Variants in INTS10 observed in about 807,000 individuals in gnomAD.
INTS10 encodes integrator complex subunit 10.
In INTS10, 44 loss-of-function variants were observed where a neutral mutation model predicts 94.4. The observed-to-expected ratio is 0.47, with a 90% CI of 0.37 to 0.60. INTS10 has a LOEUF of 0.60. INTS10 is among the 20% of genes least tolerant of loss of function. INTS10 has a pLI of 0.00. For synonymous variants in INTS10, 341 were observed against 320.7 expected, an observed-to-expected ratio of 1.06 and a Z score of -0.68; for missense variants, 797 against 868.7, an observed-to-expected ratio of 0.92 and a Z score of 1.04.
intron 2 of INTS10, 127 bp downstream of exon 2, chr8:19,818,469 A>C (rs1589898713): frequency 2.2e-6 from 2 of 894,288 alleles, no homozygotes; most frequent in Non-Finnish European, 3.6e-6. Context: ...CCTAAAGCAA[A>C]CCTAGTAAGG....
At chr8:19,823,154 C>T (rs1281280587) in intron 5 of INTS10, 147 bp from the exon 6 acceptor site, 1 of 615,470 alleles carries the variant, frequency 1.6e-6, no homozygotes, top group East Asian at 2.8e-5. Context: ...CTCTGCACAG[C>T]ACATTTTGAA....
At chr8:19,818,368 T>C (rs747591590) in intron 2 of INTS10, 26 bp downstream of exon 2, 2 of 1,608,040 alleles carry the variant, frequency 1.2e-6, no homozygotes, top group Non-Finnish European at 1.7e-6. Context: ...GACATCACTT[T>C]TACTGCACTG....
At chr8:19,836,950 T>A in intron 12 of INTS10, 102 bp from the exon 13 acceptor site, 1 of 744,810 alleles carries the variant, frequency 1.3e-6, no homozygotes. Flanking sequence ...CAGACTTCCA[T>A]GTACACATTG....
chr8:19,836,811 G>C (rs901093124), intron 12 of INTS10, among the ~76,000 whole-genome samples: 3 of 151,966 alleles, frequency 2.0e-5, no homozygotes, highest in Non-Finnish European at 4.4e-5. Context: ...TTTAAGTTTT[G>C]TTTTTTTAAT....
At chr8:19,837,224 C>T in intron 13 of INTS10, 64 bp downstream of exon 13, 1 of 1,029,692 alleles carries the variant, frequency 9.7e-7, no homozygotes, top group Non-Finnish European at 1.5e-6. Context: ...CACGGTGGCT[C>T]ACACTTGTAA....
intron 1 of INTS10, 31 bp downstream of exon 1, chr8:19,817,697 T>G: frequency 6.3e-7 from 1 of 1,583,740 alleles, no homozygotes. Context: ...GCGGCCGCTC[T>G]GCGTGGAGGT....
intron 13 of INTS10, 55 bp from the exon 14 acceptor site, chr8:19,842,793 A>G: frequency 8.4e-7 from 1 of 1,194,162 alleles, no homozygotes; most frequent in Non-Finnish European, 1.2e-6. Flanking sequence ...TGCCTTTCAA[A>G]GCTGTTATCT....
At chr8:19,832,300 C>T (rs1009759445) in intron 11 of INTS10, among the ~76,000 whole-genome samples, 190 bp downstream of exon 11, 1 of 152,048 alleles carries the variant, frequency 6.6e-6, no homozygotes, top group Non-Finnish European at 1.5e-5. Flanking sequence ...GGCCGGGTGT[C>T]GTGGCTTACG....
Position 19,849,639 on chromosome 8 carries a change from C to A in INTS10, c.1977-2010C>A, listed in dbSNP as rs1307554155. Among the ~76,000 whole-genome samples, 1 of 152,114 alleles carries A rather than the reference C, an allele frequency of 6.6e-6. No individual in the cohort carries two copies. Among genetic ancestry groups the A allele is most frequent in the Non-Finnish European group, 1.5e-5 (1 of 68,014 alleles). On this transcript the variant is annotated intron_variant, in intron 16 of 16. Coordinates refer to ENST00000397977, the MANE Select transcript of INTS10 (RefSeq NM_018142.4). The surrounding 1 kb of genome is among the most constrained non-coding windows in gnomAD (Gnocchi z 4.6). ...GTGGATACTCATATGAGTGACCAGT[C>A]ATTATGGTCATATTAGCAATTAGTT...
intron 13 of INTS10, chr8:19,841,880 T>C (rs1209221128): frequency 8.8e-6 from 4 of 454,632 alleles, no homozygotes; most frequent in Middle Eastern, 3.3e-4. Flanking sequence ...AATTCAATAA[T>C]ATTTTAAGAC....
intron 5 of INTS10, among the ~76,000 whole-genome samples, chr8:19,822,984 T>C (rs2066504613): frequency 6.6e-6 from 1 of 151,936 alleles, no homozygotes; most frequent in Non-Finnish European, 1.5e-5. Flanking sequence ...ACTTCTAAAC[T>C]TTTGTTATGT....
chr8:19,846,374 A>G lies in INTS10; in HGVS notation c.1976+577A>G, dbSNP rs1011650033. Among the ~76,000 whole-genome samples the G allele has an allele frequency of 2.0e-5, 3 of 152,010 alleles. No individual in the cohort carries two copies. Among genetic ancestry groups the G allele is most frequent in the Non-Finnish European group, 4.4e-5 (3 of 68,000 alleles). ...CTTGAACCCAGGAGGTGGAGGTTGC[A>G]GTGAGCCGAGGTCGCGCCATTACAC... On this transcript the variant is annotated intron_variant, in intron 16 of 16. Transcript: ENST00000397977. This position sits in a 1 kb window ranked among gnomAD's most constrained non-coding sequence, Gnocchi z 4.2.
chr8:19,844,706 A>G (rs1290324656), intron 15 of INTS10, among the ~76,000 whole-genome samples: 1 of 152,204 alleles, frequency 6.6e-6, no homozygotes, highest in East Asian at 1.9e-4. Flanking sequence ...GATGCTGCAC[A>G]GCACAGTAGC....
intron 11 of INTS10, among the ~76,000 whole-genome samples, chr8:19,832,854 A>C (rs1038796111): frequency 3.3e-5 from 5 of 152,172 alleles, no homozygotes; most frequent in African/African-American, 7.2e-5. Context: ...TTGTAGTAAA[A>C]TATTTCTAAA....
intron 13 of INTS10, among the ~76,000 whole-genome samples, chr8:19,841,291 A>C (rs1230370529): frequency 1.3e-5 from 2 of 152,218 alleles, no homozygotes; most frequent in Non-Finnish European, 2.9e-5. Flanking sequence ...TTTTAGAAGA[A>C]AATTTAAAAA....
chr8:19,826,222 A>C (rs2128764334), intron 8 of INTS10, among the ~76,000 whole-genome samples: 1 of 152,156 alleles, frequency 6.6e-6, no homozygotes, highest in Middle Eastern at 3.4e-3. Flanking sequence ...CGGGATTAAC[A>C]GGCGCATGCT....
Position 19,843,180 on chromosome 8 carries a change from A to C in INTS10, c.1719+253A>C, listed in dbSNP as rs2068280639. 6.6e-6 allele frequency among the ~76,000 whole-genome samples: 1 copy of C among 152,222 alleles called. No homozygotes were observed. Among genetic ancestry groups the C allele is most frequent in the African/African-American group, 2.4e-5 (1 of 41,458 alleles). ...TGGGACAGATATGCAAATAACCTTG[A>C]CTGTTGTAGTGTTTGGTAAATATTT... On this transcript the variant is annotated intron_variant, in intron 14 of 16. Coordinates refer to ENST00000397977, the MANE Select transcript of INTS10 (RefSeq NM_018142.4). The surrounding 1 kb of genome is among the most constrained non-coding windows in gnomAD (Gnocchi z 4.7).
intron 16 of INTS10, among the ~76,000 whole-genome samples, chr8:19,847,480 A>C (rs1421221553): frequency 6.6e-6 from 1 of 152,202 alleles, no homozygotes; most frequent in Non-Finnish European, 1.5e-5. Flanking sequence ...TTGAAACTGG[A>C]TATACAAATA....
At chr8:19,824,666 A>G (rs1455717390) in intron 7 of INTS10, 137 bp from the exon 8 acceptor site, 1 of 575,608 alleles carries the variant, frequency 1.7e-6, no homozygotes, top group Non-Finnish European at 3.0e-6. Flanking sequence ...TACCATTTAT[A>G]TTGGACAATA....
Sources: allele counts gnomAD v4.1 joint callset (sites outside exome capture counted in the v4.1 genomes callset), GRCh38; gene constraint gnomAD v4.1.1; non-coding constraint Gnocchi (gnomAD v3.1); transcripts MANE v1.5; gene names NCBI Gene and HGNC (gene_info 2026-07-23, HGNC 2026-07-21).